Variants in TNRC6B observed in about 807,000 individuals in gnomAD.
TNRC6B encodes trinucleotide repeat-containing gene 6B protein.
TNRC6B carries 52 observed loss-of-function variants against 203.6 expected under a neutral mutation model. The observed-to-expected ratio is 0.26, with a 90% CI of 0.20 to 0.32. The LOEUF is 0.32. Ranked by LOEUF, TNRC6B falls within the 10% of genes least tolerant of loss-of-function variation. The pLI is 1.00. For synonymous variants in TNRC6B, 838 were observed against 845.7 expected (o/e 0.99, Z 0.16); for missense variants, 1,923 against 2,286.2 (o/e 0.84, Z 3.24).
intron 1 of TNRC6B, among the ~76,000 whole-genome samples, chr22:40,223,221 A>G (rs928315128): frequency 2.0e-4 from 30 of 151,888 alleles, no homozygotes; most frequent in African/African-American, 6.8e-4. Context: ...ACTCACCGCA[A>G]ACTCTGCCTC....
Position 40,184,407 on chromosome 22 carries a change from A to G in TNRC6B, c.5+6267A>G, listed in dbSNP as rs543860184. ...GGAACAGCATAGAGAGTACTTTGAC[A>G]TGGTTGGAGTGTCGTGTGCTTAAGG... On this transcript the variant is annotated intron_variant, in intron 1 of 22. Coordinates refer to ENST00000454349, the MANE Select transcript of TNRC6B (RefSeq NM_001162501.2). 1.1e-4 allele frequency among the ~76,000 whole-genome samples: 16 copies of G among 152,324 alleles called. No individual in the cohort carries two copies. In the South Asian group the frequency reaches 2.9e-3, roughly 28 times the overall value.
rs376354581 is a variant in TNRC6B at position 40,300,880 on chromosome 22, G to T, written c.3841-30G>T. 4.4e-4 allele frequency: 698 copies of T among 1,601,696 alleles called. 4 individuals are homozygous for T. In the South Asian group the frequency reaches 5.3e-3, roughly 12 times the overall value. ...CAGTAAATCAATCTCAGGAAACTTTGGTTTTCTGTCTTTCCCCCTTGTTTT... is the reference window on the plus strand; with the variant it reads ...CAGTAAATCAATCTCAGGAAACTTTTGTTTTCTGTCTTTCCCCCTTGTTTT... On this transcript the variant is annotated intron_variant, in intron 13 of 22. Coordinates refer to ENST00000454349, the MANE Select transcript of TNRC6B (RefSeq NM_001162501.2).
intron 1 of TNRC6B, among the ~76,000 whole-genome samples, chr22:40,223,813 A>G (rs2069748032): frequency 6.6e-6 from 1 of 152,178 alleles, no homozygotes; most frequent in Non-Finnish European, 1.5e-5. Flanking sequence ...AAGACTGTAC[A>G]CTTTCATTTT....
chr22:40,302,027 A>G (rs2071030698), intron 15 of TNRC6B, among the ~76,000 whole-genome samples: 1 of 152,240 alleles, frequency 6.6e-6, no homozygotes, highest in Non-Finnish European at 1.5e-5. Flanking sequence ...ATTGCCTTCT[A>G]TAGAAAAAAT....
At position 40,278,017 on chromosome 22, in the gene TNRC6B, C is replaced by G; in HGVS notation, c.3235C>G (p.Pro1079Ala). Reference protein sequence around the residue: ...MGLLSQTEDNPSSKMDLSVGS... With the variant: ...MGLLSQTEDNASSKMDLSVGS... ...TTTCCAGAGTCAGACTGAAGATAAT[C>G]CAAGCAGCAAAATGGATTTGTCTGT... is the stretch of plus-strand genomic sequence containing the variant. The change falls in exon 9 of 23, where the codon CCA (proline) becomes GCA (alanine). Residue 1079 changes from proline to alanine, a missense_variant. Around this residue, in one of 8 missense-constraint regions of TNRC6B, gnomAD observed 599 missense variants for 656.5 expected, o/e 0.91. Transcript: ENST00000454349. 1 of 1,562,378 alleles carries G rather than the reference C, an allele frequency of 6.4e-7. No individual in the cohort carries two copies. Among genetic ancestry groups the G allele is most frequent in the Non-Finnish European group, 8.7e-7 (1 of 1,150,894 alleles).
intron 1 of TNRC6B, among the ~76,000 whole-genome samples, chr22:40,221,798 C>T (rs1347358001): frequency 1.4e-5 from 2 of 145,516 alleles, no homozygotes; most frequent in Admixed American, 6.9e-5. Context: ...TTCCTGCTGC[C>T]GCTTGCTCCA....
At chr22:40,291,329 G>A (rs1258690690) in intron 12 of TNRC6B, among the ~76,000 whole-genome samples, 3 of 152,062 alleles carry the variant, frequency 2.0e-5, no homozygotes, top group Admixed American at 6.5e-5. Flanking sequence ...AGGCTGCAGT[G>A]AGCCATGGTG....
chr22:40,286,330 T>C (rs1302308706), intron 12 of TNRC6B, among the ~76,000 whole-genome samples: 1 of 152,010 alleles, frequency 6.6e-6, no homozygotes, highest in Non-Finnish European at 1.5e-5. Flanking sequence ...AAACACAAAT[T>C]AGCCAGGCAT....
At chr22:40,087,008 C>CA (rs2068106678) in intron 1 of TNRC6B, among the ~76,000 whole-genome samples, 1 of 152,178 alleles carries the variant, frequency 6.6e-6, no homozygotes, top group African/African-American at 2.4e-5. Flanking sequence ...CTCTCACAGA[C>CA]ACAAGCCTTC....
chr22:40,055,469 A>G (rs1448815508), intron 1 of TNRC6B, among the ~76,000 whole-genome samples: 4 of 152,214 alleles, frequency 2.6e-5, no homozygotes, highest in Non-Finnish European at 5.9e-5. Context: ...ATTAGGGTAC[A>G]GGGCTAATAG....
chr22:40,242,280 G>C (rs1237977295), intron 1 of TNRC6B, among the ~76,000 whole-genome samples: 1 of 152,020 alleles, frequency 6.6e-6, no homozygotes, highest in Non-Finnish European at 1.5e-5. Context: ...AATATTTATT[G>C]TGTCTATATA....
At chr22:40,122,373 A>G (rs1568989819) in intron 2 of TNRC6B, among the ~76,000 whole-genome samples, 1 of 152,122 alleles carries the variant, frequency 6.6e-6, no homozygotes, top group African/African-American at 2.4e-5. Context: ...TAAAAAAAAA[A>G]GCTGTATTGG....
intron 1 of TNRC6B, among the ~76,000 whole-genome samples, chr22:40,195,595 G>A (rs1222019523): frequency 1.3e-5 from 2 of 151,808 alleles, no homozygotes; most frequent in Admixed American, 6.6e-5. Context: ...AAGTAGTTAG[G>A]ACTACAGGTG....
chr22:40,102,836 T>C (rs944317336), intron 1 of TNRC6B, among the ~76,000 whole-genome samples: 2 of 152,182 alleles, frequency 1.3e-5, no homozygotes, highest in East Asian at 3.9e-4. Context: ...CCCAGCACTT[T>C]GGGAGGCTGA....
At chr22:40,298,801 C>T (rs1420350435) in intron 12 of TNRC6B, among the ~76,000 whole-genome samples, 2 of 151,982 alleles carry the variant, frequency 1.3e-5, no homozygotes, top group African/African-American at 4.8e-5. Context: ...CCCGTCTCTA[C>T]TAAAAATACC....
chr22:40,202,511 A>G (rs2069427449), intron 1 of TNRC6B, among the ~76,000 whole-genome samples: 1 of 152,128 alleles, frequency 6.6e-6, no homozygotes, highest in African/African-American at 2.4e-5. Context: ...CTGTGAAGCA[A>G]AAAGGAGTCC....
In TNRC6B at chr22:40,230,143, C is replaced by G. The variant is rs145150262; in HGVS notation, c.6-15872C>G. On this transcript the variant is annotated intron_variant, in intron 1 of 22. Transcript: ENST00000454349. ...TTTAATTTTGCACATTCTACAAGTA[C>G]ATGTGTGTTGACATCTCATTGTGGC... 2.0e-5 allele frequency among the ~76,000 whole-genome samples: 3 copies of G among 152,234 alleles called. No homozygotes were observed. The East Asian group carries it at 5.8e-4, about 29-fold the overall frequency.
At chr22:40,282,728 A>T (rs2070734252) in intron 11 of TNRC6B, among the ~76,000 whole-genome samples, 2 of 152,188 alleles carry the variant, frequency 1.3e-5, no homozygotes, top group Admixed American at 1.3e-4. Context: ...GACATATTCT[A>T]TCTAAATATG....
At chr22:40,115,176 A>C (rs17001651) in intron 1 of TNRC6B, among the ~76,000 whole-genome samples, 8,503 of 152,192 alleles carry the variant, frequency 0.056, 753 homozygotes, top group African/African-American at 0.19. Flanking sequence ...GTCTCTTTCT[A>C]GCCTTGTCTG....
Sources: allele counts gnomAD v4.1 joint callset (sites outside exome capture counted in the v4.1 genomes callset), GRCh38; gene constraint gnomAD v4.1.1; regional missense constraint gnomAD v4.1.1; transcripts MANE v1.5; gene names NCBI Gene and HGNC (gene_info 2026-07-23, HGNC 2026-07-21).